Variants in PROKR2 observed in about 807,000 individuals in gnomAD.
PROKR2 encodes prokineticin receptor 2, also known as G protein-coupled receptor 73-like 1.
In PROKR2, 26 loss-of-function variants were observed where a neutral mutation model predicts 23.4. The ratio of observed to expected loss-of-function variants is 1.11; its 90% CI spans 0.81 to 1.54. The LOEUF is 1.54. Among genes scored for constraint, PROKR2 ranks in the 40% most tolerant of loss-of-function variants. The pLI, the probability that PROKR2 is intolerant of heterozygous loss-of-function variation, is 0.00. For synonymous variants in PROKR2, 212 were observed against 201.2 expected (o/e 1.05, Z -0.45); for missense variants, 453 against 511.5 (o/e 0.89, Z 1.10).
Position 5,309,094 on chromosome 20 carries a change from G to T in PROKR2, c.458+4818C>A, listed in dbSNP as rs528252846. Among the ~76,000 whole-genome samples the T allele has an allele frequency of 5.9e-5, 9 of 152,298 alleles. No individual in the cohort carries two copies. The East Asian group carries it at 1.7e-3, about 29-fold the overall frequency. ...CTGACCTTGCCAAATTAACCTGCAT[G>T]ACCTGCCTGCATGGTACAAGGCTCA... On this transcript the variant is annotated intron_variant, in intron 2 of 2. Coordinates refer to ENST00000678254, the MANE Select transcript of PROKR2 (RefSeq NM_144773.4).
rs1979016519 is a variant in PROKR2 at position 5,302,197 on chromosome 20, A to T, written c.998T>A (p.Phe333Tyr). Residue 333 changes from phenylalanine (F) to tyrosine (Y), a missense_variant, in exon 3 of 3, where the codon TTC becomes TAC. Physicochemically the swap from Phe to Tyr is conservative, Grantham distance 22 (BLOSUM62 3). Coordinates refer to ENST00000678254, the MANE Select transcript of PROKR2 (RefSeq NM_144773.4). ...CATGGTGTTGTTCTTGACCGTCACG[A>T]AGCACACGGTGTTGATCATGCTGTT... is the stretch of plus-strand genomic sequence containing the variant. ...MSNSMINTVC[F>Y]VTVKNNTMKY... 1.9e-6 allele frequency: 3 copies of T among 1,614,112 alleles called. No homozygotes were observed. The highest frequency in any genetic ancestry group is 2.5e-6 in the Non-Finnish European group (3 of 1,180,046).
intron 2 of PROKR2, among the ~76,000 whole-genome samples, chr20:5,308,169 T>G (rs6085083): frequency 0.51 from 77,476 of 151,364 alleles, 20,090 homozygotes; most frequent in African/African-American, 0.62. Context: ...GCAAATCAAA[T>G]AAGGGGGACA....
intron 2 of PROKR2, among the ~76,000 whole-genome samples, chr20:5,305,342 C>T (rs908660733): frequency 6.6e-6 from 1 of 152,212 alleles, no homozygotes; most frequent in Non-Finnish European, 1.5e-5. Flanking sequence ...TGGGGAACCC[C>T]CGCAAAAGGT....
rs1000228848 is a variant in PROKR2 at position 5,316,811 on chromosome 20, G to A, written c.-326C>T. ...CTGCCTCCTAGTCCAGGCCAAGGGT[G>A]GATGCCCAGCTCCCCCACCCCACCG... On this transcript the variant is annotated 5_prime_UTR_variant, in exon 1 of 3. Coordinates refer to ENST00000678254, the MANE Select transcript of PROKR2 (RefSeq NM_144773.4). This position sits in a 1 kb window ranked among gnomAD's most constrained non-coding sequence, Gnocchi z 5.0. Among the ~76,000 whole-genome samples, 2 of 152,354 alleles carry A rather than the reference G, an allele frequency of 1.3e-5. No individual in the cohort carries two copies. The highest frequency in any genetic ancestry group is 1.3e-4 in the Admixed American group (2 of 15,304).
At position 5,300,361 on chromosome 20, in the gene PROKR2, CT is replaced by C. The variant is rs1423492810; in HGVS notation, c.*1678del. ...AGATTATAACCAAGAACAGGGATCC[CT>C]TTTTGGCCCACTGTAGACAAGGTAC... On this transcript the variant is annotated 3_prime_UTR_variant, in exon 3 of 3. Coordinates refer to ENST00000678254, the MANE Select transcript of PROKR2 (RefSeq NM_144773.4). 6.6e-6 allele frequency among the ~76,000 whole-genome samples: 1 copy of C among 152,112 alleles called. No homozygotes were observed. Among genetic ancestry groups the C allele is most frequent in the Non-Finnish European group, 1.5e-5 (1 of 68,020 alleles).
rs550749285 is a variant in PROKR2, at chr20:5,310,358, G to A, written c.458+3554C>T. On this transcript the variant is annotated intron_variant, in intron 2 of 2. Transcript: ENST00000678254. ...GTGGCACATGGAAACAGCATTGGGT[G>A]GCCCTTCTGATATTTCTCTGTAGTA... Among the ~76,000 whole-genome samples the A allele has an allele frequency of 4.6e-5, 7 of 152,122 alleles. No homozygotes were observed. In the South Asian group the frequency reaches 1.5e-3, roughly 32 times the overall value.
chr20:5,314,906 A>G (rs748084549), intron 1 of PROKR2, among the ~76,000 whole-genome samples: 17 of 152,322 alleles, frequency 1.1e-4, no homozygotes, highest in Non-Finnish European at 2.4e-4. Context: ...GCCAGGGACA[A>G]TGAAGCAGGA....
intron 2 of PROKR2, among the ~76,000 whole-genome samples, chr20:5,311,567 T>A (rs1022087287): frequency 1.6e-4 from 24 of 152,210 alleles, no homozygotes; most frequent in African/African-American, 5.5e-4. Context: ...CGGTTAATAT[T>A]GATTGTCAAC....
rs1373179365 is a variant in PROKR2 at position 5,300,862 on chromosome 20, C to T, written c.*1178G>A. Among the ~76,000 whole-genome samples the T allele has an allele frequency of 1.3e-5, 2 of 152,186 alleles. No individual in the cohort carries two copies. Among genetic ancestry groups the T allele is most frequent in the African/African-American group, 4.8e-5 (2 of 41,460 alleles). On this transcript the variant is annotated 3_prime_UTR_variant, in exon 3 of 3. Transcript: ENST00000678254. ...CTCTTTCCCCCTGACCCCAGAGCCA[C>T]TGAAATCCTTTGCACTGAGGAGGCA...
intron 2 of PROKR2, among the ~76,000 whole-genome samples, chr20:5,303,922 T>C (rs1979112849): frequency 6.6e-6 from 1 of 152,116 alleles, no homozygotes; most frequent in Non-Finnish European, 1.5e-5. Flanking sequence ...CTCTGGTTCG[T>C]TCCACCTTGG....
chr20:5,310,055 T>C (rs1021850897), intron 2 of PROKR2, among the ~76,000 whole-genome samples: 2 of 152,214 alleles, frequency 1.3e-5, no homozygotes, highest in African/African-American at 2.4e-5. Flanking sequence ...AGTTTCTTCA[T>C]CTGTGAAGTG....
chr20:5,310,290 G>T (rs1979385590), intron 2 of PROKR2, among the ~76,000 whole-genome samples: 1 of 152,136 alleles, frequency 6.6e-6, no homozygotes, highest in African/African-American at 2.4e-5. Context: ...TCTATGACTT[G>T]AAATAGTACC....
intron 1 of PROKR2, among the ~76,000 whole-genome samples, chr20:5,315,235 G>GAATTCCATGCAAAAAAAAAACAAAAAAA (rs1330572086): frequency 6.7e-6 from 1 of 150,094 alleles, no homozygotes; most frequent in Non-Finnish European, 1.5e-5. Flanking sequence ...ACCAGCTCCA[G>GAATTCCATGCAAAAAAAAAACAAAAAAA]AAAGAAATCC....
chr20:5,301,839 G>A lies in PROKR2; in HGVS notation c.*201C>T, dbSNP rs760791446. On this transcript the variant is annotated 3_prime_UTR_variant, in exon 3 of 3. Coordinates refer to ENST00000678254, the MANE Select transcript of PROKR2 (RefSeq NM_144773.4). ...TGGGATTGTGGACACAGTAGGTGTCGAGCGGATATCAGTAAATGTCAGCTG... is the reference window on the plus strand; with the variant it reads ...TGGGATTGTGGACACAGTAGGTGTCAAGCGGATATCAGTAAATGTCAGCTG... Among the ~76,000 whole-genome samples, 1 of 152,162 alleles carries A rather than the reference G, an allele frequency of 6.6e-6. No individual in the cohort carries two copies. The highest frequency in any genetic ancestry group is 2.4e-5 in the African/African-American group (1 of 41,452).
chr20:5,315,856 C>G, intron 1 of PROKR2: 1 of 456,674 alleles, frequency 2.2e-6, no homozygotes, highest in South Asian at 1.5e-5. Flanking sequence ...AGTCCTACCC[C>G]TCCTCGGCTT....
intron 2 of PROKR2, among the ~76,000 whole-genome samples, chr20:5,312,198 C>T (rs1979468642): frequency 6.6e-6 from 1 of 152,184 alleles, no homozygotes; most frequent in African/African-American, 2.4e-5. Context: ...CCTCCGCCTC[C>T]CAGGTTCAAG....
Position 5,299,909 on chromosome 20 carries a change from G to A in PROKR2, c.*2131C>T, listed in dbSNP as rs1978925306. Among the ~76,000 whole-genome samples the A allele has an allele frequency of 6.6e-6, 1 of 152,210 alleles. No individual in the cohort carries two copies. The highest frequency in any genetic ancestry group is 1.9e-4 in the East Asian group (1 of 5,192). On this transcript the variant is annotated 3_prime_UTR_variant, in exon 3 of 3. Coordinates refer to ENST00000678254, the MANE Select transcript of PROKR2 (RefSeq NM_144773.4). ...CGAAGTGCTGGGATTACAGATGTGAGCCACCATGCCGGCCTGCATTTTCTG... is the reference window on the plus strand; with the variant it reads ...CGAAGTGCTGGGATTACAGATGTGAACCACCATGCCGGCCTGCATTTTCTG...
chr20:5,303,848 G>C lies in PROKR2; in HGVS notation c.459-1112C>G, dbSNP rs529734913. Among the ~76,000 whole-genome samples the C allele has an allele frequency of 3.9e-5, 6 of 152,264 alleles. No individual in the cohort carries two copies. In the South Asian group the frequency reaches 1.2e-3, roughly 32 times the overall value. The stretch of plus-strand genomic sequence containing the variant: ...AACAAGAGCAGGATGCCGCCTGCTG[G>C]TAAACAGGCCCCCCAAAACCTGGCC... On this transcript the variant is annotated intron_variant, in intron 2 of 2. Transcript: ENST00000678254.
At position 5,315,657 on chromosome 20, in the gene PROKR2, G is replaced by C. The variant is rs115761530; in HGVS notation, c.-9+837C>G. Reference sequence around the variant, plus strand: ...GAACGCCGAGGGACAGGAACTGCGCGCCAGCAAAAGACACCCTAACCTGGG... The same window carrying C: ...GAACGCCGAGGGACAGGAACTGCGCCCCAGCAAAAGACACCCTAACCTGGG... On this transcript the variant is annotated intron_variant, in intron 1 of 2. Coordinates refer to ENST00000678254, the MANE Select transcript of PROKR2 (RefSeq NM_144773.4). The C allele has an allele frequency of 3.0e-3, 1,072 of 353,130 alleles. 11 individuals carry two copies. Among genetic ancestry groups the C allele is most frequent in the African/African-American group, 0.021 (981 of 46,756 alleles). 21.9% of individuals were successfully genotyped at this position (353,130 alleles called of 1,614,324 possible).
Sources: gnomAD v4.1 joint callset for allele counts (sites outside exome capture counted in the v4.1 genomes callset) on GRCh38, gnomAD v4.1.1 for gene constraint, Gnocchi (gnomAD v3.1) non-coding constraint, MANE v1.5 for transcripts, NCBI Gene and HGNC (gene_info 2026-07-23, HGNC 2026-07-21) for gene names.